FOXP2: variants seen among roughly 807,000 people sequenced by gnomAD.
FOXP2 encodes the protein forkhead box P2.
FOXP2 carries 12 observed loss-of-function variants against 115.8 expected under a neutral mutation model. The observed-to-expected ratio is 0.10, with a 90% CI of 0.07 to 0.17. FOXP2 has a LOEUF of 0.17. Among genes scored for constraint, FOXP2 ranks in the 10% least tolerant of loss-of-function variants. The pLI, the probability that FOXP2 is intolerant of heterozygous loss-of-function variation, is 1.00. For synonymous variants in FOXP2, 328 were observed against 297.7 expected, an observed-to-expected ratio of 1.10 and a Z score of -1.05; for missense variants, 629 against 843.5, an observed-to-expected ratio of 0.75 and a Z score of 3.15.
chr7:114,375,090 T>C (rs997530134), intron 2 of FOXP2, among the ~76,000 whole-genome samples: 1 of 151,792 alleles, frequency 6.6e-6, no homozygotes, highest in African/African-American at 2.4e-5. Context: ...AATGGTACGA[T>C]TTTTGTAAAA....
chr7:114,633,068 T>G (rs1457581474), intron 6 of FOXP2, among the ~76,000 whole-genome samples: 1 of 152,080 alleles, frequency 6.6e-6, no homozygotes, highest in Admixed American at 6.5e-5. Flanking sequence ...TCAGTCAAGT[T>G]CAAATGAAAT....
At chr7:114,151,157 G>C (rs964370373) in intron 1 of FOXP2, among the ~76,000 whole-genome samples, 4 of 151,800 alleles carry the variant, frequency 2.6e-5, no homozygotes, top group Non-Finnish European at 5.9e-5. Context: ...GTTGTCTGCA[G>C]GTATAGACTT....
intron 1 of FOXP2, among the ~76,000 whole-genome samples, chr7:114,185,343 C>T (rs561434033): frequency 1.2e-4 from 19 of 152,172 alleles, no homozygotes; most frequent in African/African-American, 4.6e-4. Context: ...CTTTATTCCC[C>T]GTTCTGACAA....
chr7:114,601,914 T>A (rs1803052211), intron 3 of FOXP2, among the ~76,000 whole-genome samples: 1 of 152,052 alleles, frequency 6.6e-6, no homozygotes, highest in South Asian at 2.1e-4. Flanking sequence ...AAAAAGTATA[T>A]ATTTGCCATC....
chr7:114,618,651 A>T (rs1160857455), intron 3 of FOXP2, among the ~76,000 whole-genome samples: 1 of 152,224 alleles, frequency 6.6e-6, no homozygotes, highest in Non-Finnish European at 1.5e-5. Flanking sequence ...AAATGTGCTC[A>T]TAGAACACTA....
At chr7:114,578,984 A>T (rs1280676161) in intron 3 of FOXP2, among the ~76,000 whole-genome samples, 1 of 152,178 alleles carries the variant, frequency 6.6e-6, no homozygotes, top group Non-Finnish European at 1.5e-5. Flanking sequence ...TGTTAAAAGA[A>T]TAAGCCTAAT....
intron 16 of FOXP2, among the ~76,000 whole-genome samples, chr7:114,686,890 G>T (rs1024888253): frequency 6.6e-6 from 1 of 152,030 alleles, no homozygotes; most frequent in African/African-American, 2.4e-5. Context: ...CAATGAGCAC[G>T]TTCAAAGGGA....
chr7:114,092,900 T>G (rs1799572064), intron 1 of FOXP2, among the ~76,000 whole-genome samples: 1 of 152,134 alleles, frequency 6.6e-6, no homozygotes, highest in East Asian at 1.9e-4. Context: ...AATGATCTTG[T>G]TCTATACATA....
intron 3 of FOXP2, among the ~76,000 whole-genome samples, chr7:114,617,774 C>G (rs1304958385): frequency 1.3e-5 from 2 of 152,168 alleles, no homozygotes; most frequent in Non-Finnish European, 2.9e-5. Context: ...GCCTGGGCAA[C>G]AGAGCCAGAC....
chr7:114,372,714 T>C (rs1792043625), intron 2 of FOXP2, among the ~76,000 whole-genome samples: 1 of 152,156 alleles, frequency 6.6e-6, no homozygotes, highest in South Asian at 2.1e-4. Flanking sequence ...TGTTAGGGTT[T>C]TTTTTTGGTT....
intron 2 of FOXP2, among the ~76,000 whole-genome samples, chr7:114,385,130 A>G (rs780439272): frequency 9.9e-5 from 15 of 151,928 alleles, no homozygotes; most frequent in Non-Finnish European, 2.1e-4. Context: ...CGGGTCCCAC[A>G]TAACTGCCCA....
At chr7:114,624,140 A>G (rs987031046) in intron 3 of FOXP2, among the ~76,000 whole-genome samples, 1 of 151,926 alleles carries the variant, frequency 6.6e-6, no homozygotes, top group Non-Finnish European at 1.5e-5. Context: ...GTAAATAAAG[A>G]TATTTCAGAG....
At chr7:114,462,700 T>C (rs1795633789) in intron 2 of FOXP2, among the ~76,000 whole-genome samples, 2 of 152,080 alleles carry the variant, frequency 1.3e-5, no homozygotes, top group African/African-American at 4.8e-5. Context: ...CACATCATAG[T>C]CTTTGAGCTG....
intron 3 of FOXP2, among the ~76,000 whole-genome samples, chr7:114,560,441 TTAAAAATAC>T (rs1191034251): frequency 4.0e-5 from 6 of 151,706 alleles, no homozygotes; most frequent in African/African-American, 1.5e-4. Flanking sequence ...CCTAAAAATG[TTAAAAATAC>T]TAAAAATACT....
intron 1 of FOXP2, among the ~76,000 whole-genome samples, chr7:114,270,470 C>G (rs776580890): frequency 6.6e-6 from 1 of 152,170 alleles, no homozygotes; most frequent in South Asian, 2.1e-4. Context: ...GCTCCACATC[C>G]TTGTCAGCAT....
chr7:114,201,636 A>G (rs1794069995), intron 1 of FOXP2, among the ~76,000 whole-genome samples: 1 of 152,206 alleles, frequency 6.6e-6, no homozygotes, highest in South Asian at 2.1e-4. Context: ...ATACAATCAA[A>G]AGATTAACTT....
At chr7:114,438,531 T>C (rs1428378454) in intron 2 of FOXP2, among the ~76,000 whole-genome samples, 1 of 151,592 alleles carries the variant, frequency 6.6e-6, no homozygotes, top group Non-Finnish European at 1.5e-5. Context: ...AAAATAACAA[T>C]AAAAATATAT....
Position 114,689,960 on chromosome 7 carries a change from A to G in FOXP2, c.*34A>G. ...TTGTGAAACCTCAGCGTGAAGGGAC[A>G]TATCACTGACCTTCATAACCACTCC... is the stretch of plus-strand genomic sequence containing the variant. On this transcript the variant is annotated 3_prime_UTR_variant, in exon 17 of 17. Coordinates refer to ENST00000350908, the MANE Select transcript of FOXP2 (RefSeq NM_014491.4). The G allele has an allele frequency of 1.2e-6, 2 of 1,609,952 alleles. No homozygotes were observed. The highest frequency in any genetic ancestry group is 1.1e-5 in the South Asian group (1 of 91,006).
intron 2 of FOXP2, among the ~76,000 whole-genome samples, chr7:114,438,220 G>T (rs369524691): frequency 8.1e-4 from 124 of 152,196 alleles, no homozygotes; most frequent in African/African-American, 2.9e-3. Context: ...ACCTAGATTA[G>T]CTATCTTTTT....
Sources: gnomAD v4.1 joint callset for allele counts (sites outside exome capture counted in the v4.1 genomes callset) on GRCh38, gnomAD v4.1.1 for gene constraint, MANE v1.5 for transcripts, NCBI Gene and HGNC (gene_info 2026-07-23, HGNC 2026-07-21) for gene names.